Variants in PBX3 observed in about 807,000 individuals in gnomAD.
The protein encoded by PBX3 is pre-B-cell leukemia transcription factor 3.
PBX3 carries 14 observed loss-of-function variants against 48.5 expected under a neutral mutation model. The ratio of observed to expected loss-of-function variants is 0.29; its 90% CI spans 0.19 to 0.45. The LOEUF (loss-of-function observed/expected upper bound fraction) is 0.45, where lower values mean the gene tolerates loss of function less well. Ranked by LOEUF, PBX3 falls within the 20% of genes least tolerant of loss-of-function variation. PBX3 has a pLI of 1.00. For synonymous variants in PBX3, 210 were observed against 200.3 expected (o/e 1.05, Z -0.41); for missense variants, 386 against 546.7 (o/e 0.71, Z 2.93).
chr9:125,874,340 A>G (rs1161574053), intron 2 of PBX3, among the ~76,000 whole-genome samples: 3 of 152,192 alleles, frequency 2.0e-5, no homozygotes, highest in Admixed American at 2.0e-4. Flanking sequence ...TAATTATATA[A>G]CATTAATATA....
At chr9:125,879,347 C>T (rs573268947) in intron 2 of PBX3, among the ~76,000 whole-genome samples, 1 of 152,184 alleles carries the variant, frequency 6.6e-6, no homozygotes, top group South Asian at 2.1e-4. Flanking sequence ...TCCCAAAGTT[C>T]TGGGATTACA....
rs1178908228 is a variant in PBX3, at chr9:125,747,648, A to T, written c.195A>T (p.Gln65His). 1 of 1,590,570 alleles carries T rather than the reference A, an allele frequency of 6.3e-7. No individual in the cohort carries two copies. Among genetic ancestry groups the T allele is most frequent in the Non-Finnish European group, 8.6e-7 (1 of 1,168,912 alleles). ...TITDQSLDEAQAKKHALNCHR... is the reference protein window; with the variant it reads ...TITDQSLDEAHAKKHALNCHR... The stretch of plus-strand genomic sequence containing the variant: ...CCGACCAGAGCTTGGACGAGGCGCA[A>T]GCAAAGTTGGTGTCGTCTCATTAAG... Residue 65 changes from glutamine to histidine, a missense_variant, in exon 1 of 9, where the codon CAA becomes CAT. By Grantham distance (24) the Gln-to-His change is conservative (BLOSUM62 0). This residue lies in a region of PBX3 where 116 missense variants were observed against 98.2 expected (regional missense o/e 1.18). Transcript: ENST00000373489.
chr9:125,819,385 G>A (rs1287989146), intron 2 of PBX3, among the ~76,000 whole-genome samples: 1 of 151,780 alleles, frequency 6.6e-6, no homozygotes, highest in Admixed American at 6.6e-5. Flanking sequence ...AATTAGCTGG[G>A]TGTGGTGGTT....
At chr9:125,781,338 C>G (rs1425036472) in intron 2 of PBX3, among the ~76,000 whole-genome samples, 2 of 151,764 alleles carry the variant, frequency 1.3e-5, no homozygotes, top group Non-Finnish European at 2.9e-5. Flanking sequence ...GCCAACACAG[C>G]GAAACCCCGT....
chr9:125,940,837 G>A (rs1841945654), intron 5 of PBX3, among the ~76,000 whole-genome samples: 1 of 152,160 alleles, frequency 6.6e-6, no homozygotes, highest in Non-Finnish European at 1.5e-5. Flanking sequence ...TTGGGGGAAT[G>A]GTGATTGGAA....
intron 3 of PBX3, among the ~76,000 whole-genome samples, chr9:125,928,748 A>G (rs767984706): frequency 2.6e-5 from 4 of 152,158 alleles, no homozygotes; most frequent in African/African-American, 4.8e-5. Flanking sequence ...TACAGGCGTG[A>G]GCCACCGCGC....
At chr9:125,818,330 CTT>C (rs879666640) in intron 2 of PBX3, among the ~76,000 whole-genome samples, 2 of 143,166 alleles carry the variant, frequency 1.4e-5, no homozygotes, top group African/African-American at 2.5e-5. Flanking sequence ...CATAACCATA[CTT>C]TTTTTTTTTT....
At chr9:125,789,719 C>T (rs1013741232) in intron 2 of PBX3, among the ~76,000 whole-genome samples, 8 of 152,090 alleles carry the variant, frequency 5.3e-5, no homozygotes, top group Non-Finnish European at 1.2e-4. Context: ...GGCAGTGGGA[C>T]CATTGGAGCC....
At chr9:125,747,746 C>A in intron 1 of PBX3, 93 bp downstream of exon 1, 1 of 932,252 alleles carries the variant, frequency 1.1e-6, no homozygotes, top group South Asian at 2.4e-5. Context: ...GGGCTAGGGC[C>A]GCAGCCCCCG....
intron 2 of PBX3, among the ~76,000 whole-genome samples, chr9:125,902,551 T>A (rs1016201256): frequency 1.3e-5 from 2 of 151,714 alleles, no homozygotes; most frequent in African/African-American, 2.4e-5. Flanking sequence ...TAATTTGTAG[T>A]ATCACTAAAT....
In PBX3 at chr9:125,747,416, GC is replaced by G; in HGVS notation, c.-36del. The G allele has an allele frequency of 7.7e-7, 1 of 1,290,600 alleles. No homozygotes were observed. The highest frequency in any genetic ancestry group is 1.0e-6 in the Non-Finnish European group (1 of 1,003,252). 79.9% of individuals were successfully genotyped at this position (1,290,600 alleles called of 1,614,324 possible). Reference sequence around the variant, plus strand: ...CGCCGCCGCCGCCGCCTCAGCCTTCGCCTCAGCCGCCGCCCGCTCCCGCCCG... The same window carrying G: ...CGCCGCCGCCGCCGCCTCAGCCTTCGCTCAGCCGCCGCCCGCTCCCGCCCG... On this transcript the variant is annotated 5_prime_UTR_variant, in exon 1 of 9. Coordinates refer to ENST00000373489, the MANE Select transcript of PBX3 (RefSeq NM_006195.6).
chr9:125,890,097 C>G (rs751602965), intron 2 of PBX3, among the ~76,000 whole-genome samples: 1 of 152,158 alleles, frequency 6.6e-6, no homozygotes, highest in Non-Finnish European at 1.5e-5. Context: ...CCAATCCAAA[C>G]CAGAAACTTG....
At position 125,859,765 on chromosome 9, in the gene PBX3, C is replaced by T. The variant is rs1839814136; in HGVS notation, c.275-55921C>T. Among the ~76,000 whole-genome samples the T allele has an allele frequency of 2.6e-5, 4 of 152,144 alleles. No individual in the cohort carries two copies. In the South Asian group the frequency reaches 8.3e-4, roughly 32 times the overall value. On this transcript the variant is annotated intron_variant, in intron 2 of 8. Transcript: ENST00000373489. ...TATTTGGTTACAATTGTATGACATG[C>T]ATTTATAGCAGATCTGGTCTTCAAG... is the stretch of plus-strand genomic sequence containing the variant.
intron 4 of PBX3, among the ~76,000 whole-genome samples, chr9:125,932,745 G>A (rs1299985471): frequency 6.6e-6 from 1 of 152,096 alleles, no homozygotes; most frequent in Admixed American, 6.5e-5. Context: ...TCCCATTCTT[G>A]TCAACATGCA....
chr9:125,964,977 C>T (rs1842502042), intron 8 of PBX3, among the ~76,000 whole-genome samples: 1 of 152,200 alleles, frequency 6.6e-6, no homozygotes, highest in African/African-American at 2.4e-5. Flanking sequence ...CCTGCTCACC[C>T]TCACCTCCTC....
chr9:125,793,357 G>GAAA lies in PBX3; in HGVS notation c.274+44742_274+44744dup, dbSNP rs374195121. Among the ~76,000 whole-genome samples the GAAA allele has an allele frequency of 2.9e-3, 320 of 109,028 alleles. 9 individuals are homozygous for GAAA. Among genetic ancestry groups the GAAA allele is most frequent in the African/African-American group, 0.012 (302 of 25,416 alleles). 71.5% of individuals were successfully genotyped at this position (109,028 alleles called of 152,430 possible). On this transcript the variant is annotated intron_variant, in intron 2 of 8. Transcript: ENST00000373489. ...ACAGAGTGAGACTCCATTTGGGGGG[G>GAAA]AAAAAAAAAATATATATATATATAT...
intron 2 of PBX3, among the ~76,000 whole-genome samples, chr9:125,750,573 G>A (rs550954137): frequency 1.3e-5 from 2 of 152,336 alleles, no homozygotes; most frequent in South Asian, 4.1e-4. Flanking sequence ...GAGAGCTTTG[G>A]TAGGGCTATT....
chr9:125,928,422 G>GTGTT (rs1841634245), intron 3 of PBX3, among the ~76,000 whole-genome samples: 1 of 142,388 alleles, frequency 7.0e-6, no homozygotes, highest in African/African-American at 2.7e-5. Flanking sequence ...GTGTGTGTGT[G>GTGTT]TTTTTGTGTA....
chr9:125,861,940 A>G (rs1839871939), intron 2 of PBX3, among the ~76,000 whole-genome samples: 1 of 152,250 alleles, frequency 6.6e-6, no homozygotes, highest in African/African-American at 2.4e-5. Context: ...TGAATTGTAT[A>G]CTTTAGGTAT....
Sources: gnomAD v4.1 joint callset for allele counts (sites outside exome capture counted in the v4.1 genomes callset) on GRCh38, gnomAD v4.1.1 for gene constraint, gnomAD v4.1.1 regional missense constraint, MANE v1.5 for transcripts, NCBI Gene and HGNC (gene_info 2026-07-23, HGNC 2026-07-21) for gene names.